Variants in GLI3 observed in about 807,000 individuals in gnomAD.
The protein encoded by GLI3 is GLI family zinc finger 3.
In GLI3, 20 loss-of-function variants were observed where a neutral mutation model predicts 100.8. That is an observed-to-expected ratio of 0.20 (90% CI 0.14 to 0.29). The LOEUF (loss-of-function observed/expected upper bound fraction) is 0.29, where lower values mean the gene tolerates loss of function less well. Among genes scored for constraint, GLI3 ranks in the 10% least tolerant of loss-of-function variants. GLI3 has a pLI of 1.00. For missense variants in GLI3, 2,040 were observed against 2,128.5 expected (o/e 0.96, Z 0.82); for synonymous variants, 938 against 860.5 (o/e 1.09, Z -1.58).
intron 2 of GLI3, among the ~76,000 whole-genome samples, chr7:42,208,816 T>A (rs1788207106): frequency 6.6e-6 from 1 of 152,152 alleles, no homozygotes; most frequent in Non-Finnish European, 1.5e-5. Context: ...GTCCAAAATG[T>A]TCCTTCTGGC....
At chr7:41,968,444 G>A (rs2128707527) in intron 13 of GLI3, among the ~76,000 whole-genome samples, 1 of 152,126 alleles carries the variant, frequency 6.6e-6, no homozygotes, top group South Asian at 2.1e-4. Flanking sequence ...TAGTCTTGAG[G>A]TTCATTTTGC....
rs1064796822 is a variant in GLI3 at position 41,964,928 on chromosome 7, C to A, written c.4145G>T (p.Gly1382Val). Residue 1382 changes from glycine (G) to valine (V), a missense_variant, in exon 15 of 15, where the codon GGC (glycine) becomes GTC (valine). Physicochemically the swap from Gly to Val is moderately radical, Grantham distance 109. Transcript: ENST00000395925. Reference sequence around the variant, plus strand: ...CCCAAAGCTGGCACATGGCTGGTAGCCCCTGACAACTGCCAAGCTTGACGG... The same window carrying A: ...CCCAAAGCTGGCACATGGCTGGTAGACCCTGACAACTGCCAAGCTTGACGG... ...SQPSSLAVVR[G>V]YQPCASFGGS... 4 of 1,613,776 alleles carry A rather than the reference C, an allele frequency of 2.5e-6. No individual in the cohort carries two copies. Among genetic ancestry groups the A allele is most frequent in the Admixed American group, 3.3e-5 (2 of 60,030 alleles).
intron 2 of GLI3, among the ~76,000 whole-genome samples, chr7:42,176,263 C>T (rs1422767459): frequency 6.6e-6 from 1 of 152,138 alleles, no homozygotes; most frequent in East Asian, 1.9e-4. Flanking sequence ...CAGAAGGCAG[C>T]TGGATTCCAA....
intron 2 of GLI3, among the ~76,000 whole-genome samples, chr7:42,214,459 G>GA (rs1324110731): frequency 2.4e-4 from 21 of 86,716 alleles, no homozygotes; most frequent in African/African-American, 3.9e-4. Flanking sequence ...TACAACTAAA[G>GA]AAAAAAAAAA....
intron 2 of GLI3, among the ~76,000 whole-genome samples, chr7:42,178,412 C>T (rs1787524912): frequency 6.6e-6 from 1 of 152,174 alleles, no homozygotes; most frequent in Non-Finnish European, 1.5e-5. Flanking sequence ...ACTGACCATT[C>T]TGGAATATGT....
chr7:42,119,340 G>A, intron 3 of GLI3, among the ~76,000 whole-genome samples: 1 of 152,122 alleles, frequency 6.6e-6, no homozygotes, highest in African/African-American at 2.4e-5. Context: ...GGGGCCCAGG[G>A]GCTATAGTTT....
At chr7:42,031,690 T>C (rs1398047023) in intron 7 of GLI3, among the ~76,000 whole-genome samples, 1 of 152,246 alleles carries the variant, frequency 6.6e-6, no homozygotes, top group African/African-American at 2.4e-5. Flanking sequence ...AAAATGTGGT[T>C]GTTAGATAGC....
chr7:42,088,738 C>A (rs1161937831), intron 3 of GLI3, among the ~76,000 whole-genome samples: 1 of 152,186 alleles, frequency 6.6e-6, no homozygotes, highest in Non-Finnish European at 1.5e-5. Context: ...GGATGATAGG[C>A]TTGGGGGTGT....
Position 42,174,570 on chromosome 7 carries a change from C to T in GLI3, c.125-26102G>A, listed in dbSNP as rs551880152. Among the ~76,000 whole-genome samples the T allele has an allele frequency of 2.0e-5, 3 of 152,282 alleles. No individual in the cohort carries two copies. The East Asian group carries it at 5.8e-4, about 29-fold the overall frequency. The stretch of plus-strand genomic sequence containing the variant: ...TTGAGCAAATCCTCATAAATCAGCC[C>T]TTTGCCCAACGAGCTGGGAGTTCAT... On this transcript the variant is annotated intron_variant, in intron 2 of 14. Coordinates refer to ENST00000395925, the MANE Select transcript of GLI3 (RefSeq NM_000168.6).
chr7:42,044,733 T>G (rs1323218654), intron 6 of GLI3, among the ~76,000 whole-genome samples: 1 of 152,170 alleles, frequency 6.6e-6, no homozygotes, highest in Non-Finnish European at 1.5e-5. Flanking sequence ...AACAATCATT[T>G]AAGGCAAAAA....
At chr7:42,069,523 A>G (rs1784744768) in intron 4 of GLI3, among the ~76,000 whole-genome samples, 1 of 152,242 alleles carries the variant, frequency 6.6e-6, no homozygotes, top group Non-Finnish European at 1.5e-5. Context: ...ATGATAACCA[A>G]ATAATAAGAC....
At chr7:42,113,235 T>C in intron 3 of GLI3, 2 of 453,944 alleles carry the variant, frequency 4.4e-6, no homozygotes, top group Non-Finnish European at 4.2e-6. Flanking sequence ...GCATCTCTGG[T>C]GAGTAAGAAA....
In GLI3 at chr7:41,965,007, T is replaced by A. The variant is rs1787121011; in HGVS notation, c.4066A>T (p.Ile1356Phe). Residue 1356 changes from isoleucine to phenylalanine, a missense_variant, in exon 15 of 15, where the codon ATC (isoleucine) becomes TTC (phenylalanine). Physicochemically the swap from Ile to Phe is conservative, Grantham distance 21. Around this residue, in one of 5 missense-constraint regions of GLI3, gnomAD observed 1,041 missense variants for 924.0 expected, o/e 1.13. Transcript: ENST00000395925. ...AGGCAGCTCTCTGGCCCTTGGTAGA[T>A]GTTGATGTGTGAGGTAGCACTAATC... is the stretch of plus-strand genomic sequence containing the variant. ...GQISATSHIN[I>F]YQGPESCLPG... The A allele has an allele frequency of 6.2e-7, 1 of 1,613,714 alleles. No individual in the cohort carries two copies. The highest frequency in any genetic ancestry group is 1.3e-5 in the African/African-American group (1 of 74,920).
In GLI3 at chr7:41,962,314, T is replaced by C. The variant is rs901213659; in HGVS notation, c.*2016A>G. On this transcript the variant is annotated 3_prime_UTR_variant, in exon 15 of 15. Coordinates refer to ENST00000395925, the MANE Select transcript of GLI3 (RefSeq NM_000168.6). ...GAGCACACAAGATAAGACTGGAGATTTGGAGATTTGTGGAAAAGTGAGACT... is the reference window on the plus strand; with the variant it reads ...GAGCACACAAGATAAGACTGGAGATCTGGAGATTTGTGGAAAAGTGAGACT... The C allele has an allele frequency of 6.6e-6, 1 of 152,156 alleles. No individual in the cohort carries two copies. Among genetic ancestry groups the C allele is most frequent in the Non-Finnish European group, 1.5e-5 (1 of 68,024 alleles). 9.4% of individuals were successfully genotyped at this position (152,156 alleles called of 1,614,324 possible).
At chr7:42,238,512 A>G (rs1349515789), upstream of GLI3, among the ~76,000 whole-genome samples, 1 of 152,140 alleles carries the variant, frequency 6.6e-6, no homozygotes, top group East Asian at 1.9e-4. Flanking sequence ...AGGAGCTCCC[A>G]CCACACAGCC....
chr7:42,168,524 G>A (rs547085320), intron 2 of GLI3, among the ~76,000 whole-genome samples: 1 of 152,260 alleles, frequency 6.6e-6, no homozygotes, highest in East Asian at 1.9e-4. Context: ...CACCAAGGGG[G>A]ATGAACATGC....
chr7:42,181,759 A>G (rs1026651672), intron 2 of GLI3, among the ~76,000 whole-genome samples: 3 of 152,188 alleles, frequency 2.0e-5, no homozygotes, highest in African/African-American at 7.2e-5. Context: ...TAAGATGACT[A>G]TACCCATTTT....
Position 42,123,636 on chromosome 7 carries a change from T to C in GLI3, c.367+24590A>G, listed in dbSNP as rs1786055406. On this transcript the variant is annotated intron_variant, in intron 3 of 14. Transcript: ENST00000395925. The stretch of plus-strand genomic sequence containing the variant: ...TTTACTTATTGGGGAAAGTACTAAA[T>C]TGATGTCATCATAAATATTCAATTT... Among the ~76,000 whole-genome samples the C allele has an allele frequency of 2.6e-5, 4 of 152,362 alleles. 1 individual carries two copies. The highest frequency in any genetic ancestry group is 4.1e-4 in the South Asian group (2 of 4,830).
chr7:42,066,694 C>A (rs974100457), intron 4 of GLI3, among the ~76,000 whole-genome samples: 1 of 152,170 alleles, frequency 6.6e-6, no homozygotes, highest in Non-Finnish European at 1.5e-5. Context: ...TATTCAATTG[C>A]GAGAATGGAG....
Sources: allele counts gnomAD v4.1 joint callset (sites outside exome capture counted in the v4.1 genomes callset), GRCh38; gene constraint gnomAD v4.1.1; regional missense constraint gnomAD v4.1.1; transcripts MANE v1.5; gene names NCBI Gene and HGNC (gene_info 2026-07-23, HGNC 2026-07-21).